The following DPP10 variants were observed in gnomAD, a reference collection of about 807,000 sequenced individuals.
DPP10 encodes the protein dipeptidyl peptidase like 10, also known as inactive dipeptidyl peptidase 10.
DPP10 carries 33 observed loss-of-function variants against 120.9 expected under a neutral mutation model. The ratio of observed to expected loss-of-function variants is 0.27; its 90% CI spans 0.21 to 0.37. DPP10 has a LOEUF of 0.37. DPP10 is among the 10% of genes least tolerant of loss of function. The pLI is 1.00. For missense variants in DPP10, 816 were observed against 942.8 expected (o/e 0.87, Z 1.76); for synonymous variants, 337 against 326.1 (o/e 1.03, Z -0.36).
At chr2:115,042,873 G>T (rs532703978) in intron 1 of DPP10, among the ~76,000 whole-genome samples, 1 of 152,292 alleles carries the variant, frequency 6.6e-6, no homozygotes, top group South Asian at 2.1e-4. Context: ...TGAAGTTGCA[G>T]CTAATAATCA....
chr2:115,415,744 T>A lies in DPP10; in HGVS notation c.271+71832T>A, dbSNP rs1047540099. 2.0e-5 allele frequency among the ~76,000 whole-genome samples: 3 copies of A among 151,034 alleles called. No individual in the cohort carries two copies. In the Admixed American group the frequency reaches 2.0e-4, roughly 10 times the overall value. Reference sequence around the variant, plus strand: ...ATGCATGCCTGCCATAAGTGGAATTTACATATGTATATGTAAAACTACGAT... The same window carrying A: ...ATGCATGCCTGCCATAAGTGGAATTAACATATGTATATGTAAAACTACGAT... On this transcript the variant is annotated intron_variant, in intron 3 of 25. Transcript: ENST00000410059.
chr2:115,832,475 T>TTC (rs1689031492), intron 21 of DPP10, among the ~76,000 whole-genome samples: 3 of 152,204 alleles, frequency 2.0e-5, no homozygotes, highest in South Asian at 4.1e-4. Context: ...GGTGACAGAG[T>TTC]GAGACCATGT....
chr2:115,295,091 G>T (rs999424451), intron 1 of DPP10, among the ~76,000 whole-genome samples: 3 of 152,066 alleles, frequency 2.0e-5, no homozygotes, highest in African/African-American at 7.2e-5. Context: ...ATGAGGGATG[G>T]CTTATTTTTA....
At chr2:115,227,547 A>T (rs2057496035) in intron 1 of DPP10, among the ~76,000 whole-genome samples, 1 of 151,744 alleles carries the variant, frequency 6.6e-6, no homozygotes, top group African/African-American at 2.4e-5. Flanking sequence ...GTTAGCCCAA[A>T]CTCCCTCTTG....
intron 1 of DPP10, among the ~76,000 whole-genome samples, chr2:115,265,819 C>T (rs1178911598): frequency 6.6e-6 from 1 of 152,000 alleles, no homozygotes; most frequent in Non-Finnish European, 1.5e-5. Context: ...TGGCTCACGC[C>T]TGTAGTCCCA....
chr2:114,811,537 A>G (rs778103849), intron 1 of DPP10, among the ~76,000 whole-genome samples: 5 of 151,870 alleles, frequency 3.3e-5, no homozygotes, highest in South Asian at 2.1e-4. Context: ...CATGACAATA[A>G]CTTCCAATTC....
intron 1 of DPP10, among the ~76,000 whole-genome samples, chr2:115,224,052 T>C (rs966296983): frequency 1.3e-5 from 2 of 152,146 alleles, no homozygotes; most frequent in Non-Finnish European, 2.9e-5. Flanking sequence ...AGAGGTTCAA[T>C]GATAAACTCA....
intron 1 of DPP10, among the ~76,000 whole-genome samples, chr2:115,025,143 C>A (rs1703368311): frequency 6.6e-6 from 1 of 151,194 alleles, no homozygotes; most frequent in African/African-American, 2.4e-5. Flanking sequence ...TCTTTTTAAT[C>A]AACCCTCCTC....
intron 1 of DPP10, among the ~76,000 whole-genome samples, chr2:114,760,452 A>G (rs1363732535): frequency 6.6e-6 from 1 of 152,166 alleles, no homozygotes; most frequent in African/African-American, 2.4e-5. Context: ...TGTCAGTTAA[A>G]GCAGGTCTTC....
chr2:115,352,256 TA>T (rs1322510323), intron 3 of DPP10, among the ~76,000 whole-genome samples: 1 of 152,138 alleles, frequency 6.6e-6, no homozygotes, highest in Non-Finnish European at 1.5e-5. Flanking sequence ...TTTTGATTTT[TA>T]AAATAAGAAA....
At chr2:115,384,069 C>T (rs2066659067) in intron 3 of DPP10, among the ~76,000 whole-genome samples, 2 of 152,190 alleles carry the variant, frequency 1.3e-5, no homozygotes, top group South Asian at 4.1e-4. Context: ...CTTTGGCATG[C>T]TGAGCAGTTT....
chr2:115,106,352 T>G (rs1158319331), intron 1 of DPP10, among the ~76,000 whole-genome samples: 1 of 152,238 alleles, frequency 6.6e-6, no homozygotes, highest in African/African-American at 2.4e-5. Flanking sequence ...GCAAGGACTC[T>G]CACCCCAAGA....
chr2:114,687,708 T>C (rs1699463867), intron 1 of DPP10, among the ~76,000 whole-genome samples: 1 of 151,962 alleles, frequency 6.6e-6, no homozygotes, highest in Admixed American at 6.6e-5. Flanking sequence ...CTCTTTCTGA[T>C]AAGTCACATC....
At chr2:115,457,193 G>C (rs2073627940) in intron 3 of DPP10, among the ~76,000 whole-genome samples, 1 of 151,858 alleles carries the variant, frequency 6.6e-6, no homozygotes, top group South Asian at 2.1e-4. Context: ...AACAAATGGT[G>C]ATAGGAAAAT....
intron 5 of DPP10, among the ~76,000 whole-genome samples, chr2:115,538,315 C>G (rs1020218161): frequency 6.6e-6 from 1 of 151,956 alleles, no homozygotes; most frequent in Non-Finnish European, 1.5e-5. Context: ...ATCCAGAGAA[C>G]TGTGATTAAT....
In DPP10 at chr2:114,540,398, G is replaced by A. The variant is rs189915486; in HGVS notation, c.60+97560G>A. 2.7e-3 allele frequency among the ~76,000 whole-genome samples: 409 copies of A among 152,254 alleles called. 2 individuals carry two copies. The highest frequency in any genetic ancestry group is 4.9e-3 in the Non-Finnish European group (331 of 68,018). The stretch of plus-strand genomic sequence containing the variant: ...AAGCCTGATATACCTATTTTAAAAG[G>A]TACAATGAGTGGTATAATTAAAAAG... On this transcript the variant is annotated intron_variant, in intron 1 of 25. Transcript: ENST00000410059.
At chr2:114,805,031 G>A (rs781406927) in intron 1 of DPP10, among the ~76,000 whole-genome samples, 17 of 152,096 alleles carry the variant, frequency 1.1e-4, no homozygotes, top group South Asian at 2.1e-4. Flanking sequence ...GATCTTTCCC[G>A]TGCTATTCTC....
intron 1 of DPP10, among the ~76,000 whole-genome samples, chr2:115,277,779 A>T (rs755755750): frequency 6.6e-6 from 1 of 152,106 alleles, no homozygotes; most frequent in Non-Finnish European, 1.5e-5. Context: ...AATATATCAC[A>T]TATGTAAAAT....
intron 1 of DPP10, among the ~76,000 whole-genome samples, chr2:114,696,482 G>A (rs1398287235): frequency 5.3e-5 from 8 of 151,984 alleles, no homozygotes; most frequent in Non-Finnish European, 1.0e-4. Context: ...ATTTGCAGCT[G>A]AAGCTATTAT....
Sources: gnomAD v4.1 joint callset for allele counts (sites outside exome capture counted in the v4.1 genomes callset) on GRCh38, gnomAD v4.1.1 for gene constraint, MANE v1.5 for transcripts, NCBI Gene and HGNC (gene_info 2026-07-23, HGNC 2026-07-21) for gene names.